The following COL14A1 variants were observed in gnomAD, a reference collection of about 807,000 sequenced individuals.
The protein encoded by COL14A1 is collagen alpha-1(XIV) chain.
COL14A1 carries 136 observed loss-of-function variants against 230.3 expected under a neutral mutation model. The ratio of observed to expected loss-of-function variants is 0.59; its 90% confidence interval spans 0.51 to 0.68. COL14A1 has a LOEUF of 0.68. Ranked by LOEUF, COL14A1 falls within the 30% of genes least tolerant of loss-of-function variation. The pLI is 0.00. For synonymous variants in COL14A1, 792 were observed against 784.1 expected, an observed-to-expected ratio of 1.01 and a Z score of -0.17; for missense variants, 1,976 against 2,215.8, an observed-to-expected ratio of 0.89 and a Z score of 2.17.
intron 2 of COL14A1, among the ~76,000 whole-genome samples, chr8:120,156,935 T>C (rs572997555): frequency 9.2e-4 from 140 of 152,324 alleles, no homozygotes; most frequent in Non-Finnish European, 1.6e-3. Flanking sequence ...GTACACTCTG[T>C]TTTTTAAAAT....
At chr8:120,295,506 G>T (rs936286598) in intron 34 of COL14A1, among the ~76,000 whole-genome samples, 7 of 151,780 alleles carry the variant, frequency 4.6e-5, no homozygotes, top group Non-Finnish European at 8.9e-5. Context: ...TTCTGCAAAT[G>T]TTTGTTGCTA....
intron 13 of COL14A1, among the ~76,000 whole-genome samples, chr8:120,215,674 C>A (rs914920107): frequency 6.6e-6 from 1 of 152,056 alleles, no homozygotes; most frequent in African/African-American, 2.4e-5. Context: ...TGGCTTCTAC[C>A]AAGATGGTGG....
At chr8:120,341,433 A>G (rs1322907451) in intron 43 of COL14A1, 73 bp downstream of exon 43, 3 of 1,467,216 alleles carry the variant, frequency 2.0e-6, no homozygotes, top group Non-Finnish European at 2.8e-6. Flanking sequence ...CTGATAAAGG[A>G]TCATCATTTA....
intron 1 of COL14A1, among the ~76,000 whole-genome samples, chr8:120,141,013 A>T (rs1814889415): frequency 6.6e-6 from 1 of 152,220 alleles, no homozygotes; most frequent in East Asian, 1.9e-4. Context: ...AAGAGCAAAA[A>T]ATCAAGGCAG....
chr8:120,124,799 AG>A (rs1182194284), upstream of COL14A1, among the ~76,000 whole-genome samples: 15 of 152,178 alleles, frequency 9.9e-5, no homozygotes, highest in African/African-American at 3.4e-4. Flanking sequence ...CAAAGAGAGC[AG>A]GGGGCCTGGT....
intron 19 of COL14A1, among the ~76,000 whole-genome samples, chr8:120,242,387 G>A (rs1818630450): frequency 6.6e-6 from 1 of 152,146 alleles, no homozygotes; most frequent in African/African-American, 2.4e-5. Flanking sequence ...TATTCCATGT[G>A]CTAAATTTAA....
intron 14 of COL14A1, among the ~76,000 whole-genome samples, chr8:120,223,522 T>C (rs937488139): frequency 6.6e-6 from 1 of 151,966 alleles, no homozygotes; most frequent in Non-Finnish European, 1.5e-5. Context: ...ATACAAAAAT[T>C]AGCCGGATCT....
At chr8:120,203,365 C>T (rs1486595611) in intron 8 of COL14A1, among the ~76,000 whole-genome samples, 3 of 151,518 alleles carry the variant, frequency 2.0e-5, no homozygotes, top group African/African-American at 7.3e-5. Flanking sequence ...GGGGGGGGTC[C>T]CAAGTGTTGT....
chr8:120,208,286 A>G lies in COL14A1; in HGVS notation c.1246A>G (p.Thr416Ala), dbSNP rs761645634. The G allele has an allele frequency of 1.2e-6, 2 of 1,613,682 alleles. No homozygotes were observed. The highest frequency in any genetic ancestry group is 2.2e-5 in the South Asian group (2 of 91,040). The change falls in exon 11 of 48, where the codon ACT becomes GCT. Residue 416 changes from threonine to alanine, a missense_variant. Coordinates refer to ENST00000297848, the MANE Select transcript of COL14A1 (RefSeq NM_021110.4). ...STVLKNLMSL[T>A]EYQIAVFAIY... The stretch of plus-strand genomic sequence containing the variant: ...AGTGTTGAAAAACTTGATGTCTTTA[A>G]CTGAATATCAGATAGCAGTCTTTGC...
intron 41 of COL14A1, among the ~76,000 whole-genome samples, chr8:120,332,423 T>C (rs1448195567): frequency 6.6e-6 from 1 of 152,192 alleles, no homozygotes; most frequent in African/African-American, 2.4e-5. Context: ...TGCATTGACT[T>C]AGCTTTTATT....
At chr8:120,333,722 T>A (rs1821949672) in intron 42 of COL14A1, among the ~76,000 whole-genome samples, 1 of 152,214 alleles carries the variant, frequency 6.6e-6, no homozygotes, top group Non-Finnish European at 1.5e-5. Context: ...GTGTCGGTAT[T>A]TCCTTTCTGG....
intron 20 of COL14A1, 61 bp from the exon 21 acceptor site, chr8:120,247,552 T>C: frequency 6.5e-7 from 1 of 1,530,968 alleles, no homozygotes; most frequent in Non-Finnish European, 8.9e-7. Context: ...ATGGCATCAG[T>C]GTAGGACATA....
At chr8:120,294,413 G>C (rs369899027) in intron 34 of COL14A1, among the ~76,000 whole-genome samples, 17 of 143,314 alleles carry the variant, frequency 1.2e-4, no homozygotes, top group African/African-American at 4.2e-4. Flanking sequence ...AGTGAAAGTG[G>C]GAGGTTTTGT....
At chr8:120,231,446 C>T in intron 18 of COL14A1, 21 bp from the exon 19 acceptor site, 1 of 1,609,800 alleles carries the variant, frequency 6.2e-7, no homozygotes, top group Non-Finnish European at 8.5e-7. Flanking sequence ...GTTTTTTAAT[C>T]CTTGGTTGTG....
At chr8:120,348,631 T>C (rs976232441) in intron 45 of COL14A1, among the ~76,000 whole-genome samples, 1 of 152,084 alleles carries the variant, frequency 6.6e-6, no homozygotes, top group Non-Finnish European at 1.5e-5. Context: ...TCCCCACTAA[T>C]GAACTTATGT....
intron 40 of COL14A1, among the ~76,000 whole-genome samples, chr8:120,318,068 T>C (rs1371646505): frequency 6.6e-6 from 1 of 152,200 alleles, no homozygotes; most frequent in Non-Finnish European, 1.5e-5. Flanking sequence ...ATCATTTCAA[T>C]GTGCAACACA....
At chr8:120,197,422 A>G (rs1817075865) in intron 6 of COL14A1, among the ~76,000 whole-genome samples, 1 of 152,142 alleles carries the variant, frequency 6.6e-6, no homozygotes, top group Non-Finnish European at 1.5e-5. Context: ...AAATAATAAA[A>G]ATAATAAATC....
At chr8:120,238,895 C>T (rs951117097) in intron 19 of COL14A1, among the ~76,000 whole-genome samples, 2 of 152,148 alleles carry the variant, frequency 1.3e-5, no homozygotes, top group East Asian at 1.9e-4. Context: ...CTGGATGAGG[C>T]GACGTCCCAC....
intron 5 of COL14A1, among the ~76,000 whole-genome samples, chr8:120,182,651 A>C (rs1277647918): frequency 2.0e-5 from 3 of 152,094 alleles, no homozygotes; most frequent in Non-Finnish European, 2.9e-5. Flanking sequence ...ATATTAACTT[A>C]AGGAAATCAG....
Sources: gnomAD v4.1 joint callset for allele counts (sites outside exome capture counted in the v4.1 genomes callset) on GRCh38, gnomAD v4.1.1 for gene constraint, MANE v1.5 for transcripts, NCBI Gene and HGNC (gene_info 2026-07-23, HGNC 2026-07-21) for gene names.